The following PPP3CC variants were observed in gnomAD, a reference collection of about 807,000 sequenced individuals.
The protein encoded by PPP3CC is serine/threonine-protein phosphatase 2B catalytic subunit gamma isoform.
Under a neutral mutation model 60.3 loss-of-function variants are expected in PPP3CC, and 35 were observed. The observed-to-expected ratio is 0.58, with a 90% CI of 0.44 to 0.77. The LOEUF (loss-of-function observed/expected upper bound fraction) is 0.77. PPP3CC is among the 30% of genes least tolerant of loss of function. The pLI is 0.00. For synonymous variants in PPP3CC, 206 were observed against 224.3 expected (o/e 0.92, Z 0.73); for missense variants, 570 against 628.9 (o/e 0.91, Z 1.00).
chr8:22,536,967 C>A (rs887150963), intron 12 of PPP3CC, among the ~76,000 whole-genome samples: 6 of 151,966 alleles, frequency 3.9e-5, no homozygotes, highest in Admixed American at 3.9e-4. Flanking sequence ...AAAATAAAGC[C>A]AATAGCCACA....
chr8:22,511,750 A>G (rs564349778), intron 5 of PPP3CC, among the ~76,000 whole-genome samples: 3 of 152,322 alleles, frequency 2.0e-5, no homozygotes, highest in African/African-American at 7.2e-5. Flanking sequence ...GTTTTTACCA[A>G]CTAGAAAGCT....
At chr8:22,486,299 G>A (rs1838222482) in intron 3 of PPP3CC, among the ~76,000 whole-genome samples, 1 of 152,052 alleles carries the variant, frequency 6.6e-6, no homozygotes, top group South Asian at 2.1e-4. Context: ...TGATCTCAGG[G>A]AAGGAAGGCC....
chr8:22,473,230 A>G (rs1017569407), intron 1 of PPP3CC, among the ~76,000 whole-genome samples: 8 of 152,220 alleles, frequency 5.3e-5, no homozygotes, highest in Non-Finnish European at 7.3e-5. Context: ...CAGAAATTCA[A>G]TTGAACGCCT....
intron 12 of PPP3CC, among the ~76,000 whole-genome samples, chr8:22,534,308 G>A (rs1839795449): frequency 6.6e-6 from 1 of 151,884 alleles, no homozygotes. Context: ...TGTTATCCCA[G>A]CACTTTGGGA....
At position 22,538,656 on chromosome 8, in the gene PPP3CC, C is replaced by T. The variant is rs571104175; in HGVS notation, c.1322-813C>T. On this transcript the variant is annotated intron_variant, in intron 12 of 13. Transcript: ENST00000240139. ...CACCCTGTACCTTTTCATATATTAGCGTTTTTACTGTCTGAGAAAGGAGAT... is the reference window on the plus strand; with the variant it reads ...CACCCTGTACCTTTTCATATATTAGTGTTTTTACTGTCTGAGAAAGGAGAT... Among the ~76,000 whole-genome samples the T allele has an allele frequency of 1.4e-4, 22 of 152,290 alleles. 2 individuals are homozygous for T. Among genetic ancestry groups the T allele is most frequent in the African/African-American group, 3.8e-4 (16 of 41,564 alleles).
At chr8:22,540,548 CTTT>C in intron 13 of PPP3CC, 64 bp from the exon 14 acceptor site, 1 of 1,499,488 alleles carries the variant, frequency 6.7e-7, no homozygotes, top group Non-Finnish European at 9.0e-7. Flanking sequence ...TGCTAAGAAA[CTTT>C]TTTTAAGCCT....
chr8:22,443,870 A>G (rs1836748495), intron 1 of PPP3CC, among the ~76,000 whole-genome samples: 2 of 152,324 alleles, frequency 1.3e-5, no homozygotes, highest in South Asian at 2.1e-4. Flanking sequence ...TGTAACGGGT[A>G]CTAAACCCTG....
chr8:22,441,112 G>T lies in PPP3CC; in HGVS notation c.-298G>T, dbSNP rs921817278. The stretch of plus-strand genomic sequence containing the variant: ...AGGGCCCGGGCCGCGAGCAGCCGCG[G>T]CCGTCCCGGTCGCCACCCTTAGCAG... On this transcript the variant is annotated 5_prime_UTR_variant, in exon 1 of 14. Coordinates refer to ENST00000240139, the MANE Select transcript of PPP3CC (RefSeq NM_005605.5). 1.8e-5 allele frequency: 5 copies of T among 284,748 alleles called. No homozygotes were observed. In the Middle Eastern group the frequency reaches 3.8e-3, roughly 219 times the overall value. The allele number at this position is 284,748 out of a possible 1,614,324, so 17.6% of individuals were successfully genotyped here. A position where few individuals can be genotyped will look rare whatever the true frequency, so the allele number is the denominator to read the frequency against.
chr8:22,484,240 T>C (rs1838157578), intron 3 of PPP3CC, among the ~76,000 whole-genome samples: 2 of 152,180 alleles, frequency 1.3e-5, no homozygotes, highest in South Asian at 4.1e-4. Flanking sequence ...ACATATTTTA[T>C]ATGAGCACTT....
intron 6 of PPP3CC, 121 bp downstream of exon 6, chr8:22,513,553 A>AT: frequency 1.7e-6 from 2 of 1,143,208 alleles, no homozygotes; most frequent in Non-Finnish European, 2.3e-6. Context: ...TAATTTTTCG[A>AT]TTAATAGGAG....
In PPP3CC at chr8:22,522,948, CTTCT is replaced by C. The variant is rs1839447251; in HGVS notation, c.943+202_943+205del. 8 of 495,616 alleles carry C rather than the reference CTTCT, an allele frequency of 1.6e-5. No homozygotes were observed. In the East Asian group the frequency reaches 2.7e-4, roughly 17 times the overall value. The allele number at this position is 495,616 out of a possible 1,614,324, so 30.7% of individuals were successfully genotyped here. A position where few individuals can be genotyped will look rare whatever the true frequency, so the allele number is the denominator to read the frequency against. On this transcript the variant is annotated intron_variant, in intron 8 of 13. Transcript: ENST00000240139. ...GTCTTTATCTCCTAAGGATTACTGG[CTTCT>C]TTGTGAGTATAAATAATGATCATAA...
intron 10 of PPP3CC, chr8:22,531,349 A>G (rs1382763171): frequency 6.6e-7 from 1 of 1,519,716 alleles, no homozygotes. Flanking sequence ...AAACTGTGCT[A>G]AGAGCTTAAT....
chr8:22,457,952 G>A (rs1376777040), intron 1 of PPP3CC, among the ~76,000 whole-genome samples: 8 of 152,084 alleles, frequency 5.3e-5, no homozygotes, highest in South Asian at 2.1e-4. Flanking sequence ...TTAGCCAGGC[G>A]TGGTGGCACA....
In PPP3CC at chr8:22,513,413, G is replaced by T; in HGVS notation, c.751G>T (p.Gly251Trp). The change falls in exon 6 of 14, where the codon GGG (glycine) becomes TGG (tryptophan). Residue 251 changes from glycine to tryptophan, a missense_variant. Gly to Trp is a radical substitution (Grantham distance 184). Coordinates refer to ENST00000240139, the MANE Select transcript of PPP3CC (RefSeq NM_005605.5). ...LEHYTHNTVR[G>W]CSYFYSYPAV... ...GCACTATACCCACAACACTGTCCGA[G>T]GGTGCTCTTATTTCTACAGGTAAGC... is the stretch of plus-strand genomic sequence containing the variant. 6.2e-7 allele frequency: 1 copy of T among 1,606,710 alleles called. No homozygotes were observed. Among genetic ancestry groups the T allele is most frequent in the East Asian group, 2.2e-5 (1 of 44,700 alleles).
At chr8:22,479,742 T>TC (rs1554532839) in intron 3 of PPP3CC, among the ~76,000 whole-genome samples, 4 of 119,690 alleles carry the variant, frequency 3.3e-5, no homozygotes, top group African/African-American at 1.3e-4. Flanking sequence ...AGACTCTGTC[T>TC]CAAAAAAAAA....
intron 1 of PPP3CC, among the ~76,000 whole-genome samples, chr8:22,442,076 G>GT (rs1836689535): frequency 6.6e-6 from 1 of 152,190 alleles, no homozygotes; most frequent in Non-Finnish European, 1.5e-5. Context: ...ATTCATATGT[G>GT]TACCTGCGTT....
intron 1 of PPP3CC, among the ~76,000 whole-genome samples, chr8:22,473,628 T>C (rs1003343245): frequency 6.6e-6 from 1 of 151,932 alleles, no homozygotes; most frequent in African/African-American, 2.4e-5. Flanking sequence ...CACACCCGGC[T>C]AATTTTTGTA....
intron 3 of PPP3CC, chr8:22,493,059 G>T: frequency 6.8e-7 from 1 of 1,467,424 alleles, no homozygotes; most frequent in Non-Finnish European, 9.5e-7. Flanking sequence ...GGAGAATTTT[G>T]ATGAGGCTTC....
intron 3 of PPP3CC, 102 bp from the exon 4 acceptor site, chr8:22,497,899 C>A: frequency 1.4e-6 from 1 of 700,804 alleles, no homozygotes; most frequent in Non-Finnish European, 2.3e-6. Flanking sequence ...TTGGGAGTAA[C>A]AATGAGATAT....
Sources: gnomAD v4.1 joint callset for allele counts (sites outside exome capture counted in the v4.1 genomes callset) on GRCh38, gnomAD v4.1.1 for gene constraint, MANE v1.5 for transcripts, NCBI Gene and HGNC (gene_info 2026-07-23, HGNC 2026-07-21) for gene names.